DENND4C: variants seen among roughly 807,000 people sequenced by gnomAD.
DENND4C encodes the protein DENN domain containing 4C.
In DENND4C, 108 loss-of-function variants were observed where a neutral mutation model predicts 203.0. The ratio of observed to expected loss-of-function variants is 0.53; its 90% CI spans 0.46 to 0.62. DENND4C has a LOEUF of 0.62. Among genes scored for constraint, DENND4C ranks in the 20% least tolerant of loss-of-function variants. The probability of loss-of-function intolerance (pLI) is 0.00; values close to 1 mark genes in which losing one functional copy is unlikely to be tolerated. For synonymous variants in DENND4C, 871 were observed against 792.4 expected (o/e 1.10, Z -1.67); for missense variants, 2,481 against 2,301.2 (o/e 1.08, Z -1.60).
chr9:19,373,881 CAGGGTTAA>C lies in DENND4C; in HGVS notation c.*1709_*1716del, dbSNP rs1829243218. Reference sequence around the variant, plus strand: ...TTATTGTACCAGTCTTTCAACATTTCAGGGTTAATCTGACCTATGCAGAATTCTAGTGT... The same window carrying C: ...TTATTGTACCAGTCTTTCAACATTTCTCTGACCTATGCAGAATTCTAGTGT... On this transcript the variant is annotated 3_prime_UTR_variant, in exon 33 of 33. Transcript: ENST00000434457. Among the ~76,000 whole-genome samples, 1 of 152,182 alleles carries C rather than the reference CAGGGTTAA, an allele frequency of 6.6e-6. No homozygotes were observed. The highest frequency in any genetic ancestry group is 1.5e-5 in the Non-Finnish European group (1 of 68,024).
At chr9:19,275,445 C>T (rs1246458150) in intron 1 of DENND4C, among the ~76,000 whole-genome samples, 1 of 151,480 alleles carries the variant, frequency 6.6e-6, no homozygotes, top group East Asian at 1.9e-4. Context: ...AGGCGCACAC[C>T]ACCACGCCTG....
At chr9:19,255,158 C>T (rs1034516484) in intron 1 of DENND4C, among the ~76,000 whole-genome samples, 4 of 151,944 alleles carry the variant, frequency 2.6e-5, no homozygotes, top group Non-Finnish European at 5.9e-5. Context: ...GTCTCAGTGG[C>T]TCAGGAGGTG....
At chr9:19,265,761 T>C (rs549548365) in intron 1 of DENND4C, among the ~76,000 whole-genome samples, 1 of 152,346 alleles carries the variant, frequency 6.6e-6, no homozygotes, top group South Asian at 2.1e-4. Flanking sequence ...GCTTCATCCA[T>C]GTCACTACAA....
chr9:19,351,218 T>C (rs1824045511), intron 24 of DENND4C, among the ~76,000 whole-genome samples: 1 of 152,230 alleles, frequency 6.6e-6, no homozygotes, highest in African/African-American at 2.4e-5. Flanking sequence ...CCTTTGTTTT[T>C]AGTTGTATAT....
At chr9:19,273,238 A>G (rs1832141471) in intron 1 of DENND4C, among the ~76,000 whole-genome samples, 1 of 151,914 alleles carries the variant, frequency 6.6e-6, no homozygotes, top group African/African-American at 2.4e-5. Context: ...GGCGTGAGCC[A>G]CTGCGCCTGG....
rs1381090141 is a variant in DENND4C, at chr9:19,336,702, A to G, written c.2751A>G (p.Thr917=). Residue 917 remains threonine, a synonymous_variant, in exon 20 of 33, where the codon ACA becomes ACG. Coordinates refer to ENST00000434457, the MANE Select transcript of DENND4C (RefSeq NM_001330640.2). The part of the protein sequence containing the change: ...VSSISALQNV[T]GGSDGDTVSH... ...TATCTTTAGCTCTTCAAAATGTCACAGGTGGAAGTGATGGGGACACGGTGA... is the reference window on the plus strand; with the variant it reads ...TATCTTTAGCTCTTCAAAATGTCACGGGTGGAAGTGATGGGGACACGGTGA... The G allele has an allele frequency of 3.9e-6, 6 of 1,550,834 alleles. No homozygotes were observed. The East Asian group carries it at 9.8e-5, about 25-fold the overall frequency.
intron 31 of DENND4C, among the ~76,000 whole-genome samples, chr9:19,371,092 TA>T (rs1441714544): frequency 2.6e-5 from 4 of 151,770 alleles, no homozygotes; most frequent in Non-Finnish European, 5.9e-5. Flanking sequence ...AAGAAAGTGA[TA>T]CCAAGTGTCA....
chr9:19,353,433 G>A (rs1473453295), intron 26 of DENND4C, among the ~76,000 whole-genome samples: 1 of 152,146 alleles, frequency 6.6e-6, no homozygotes, highest in Non-Finnish European at 1.5e-5. Context: ...TTCGAGACCA[G>A]CCTGGGCAAC....
chr9:19,342,518 A>C, intron 21 of DENND4C, 115 bp from the exon 22 acceptor site: 1 of 1,132,342 alleles, frequency 8.8e-7, no homozygotes, highest in Non-Finnish European at 1.2e-6. Flanking sequence ...GTCTAAAGTA[A>C]AATAGACACA....
At chr9:19,262,719 A>G (rs1829677200) in intron 1 of DENND4C, among the ~76,000 whole-genome samples, 1 of 151,918 alleles carries the variant, frequency 6.6e-6, no homozygotes, top group African/African-American at 2.4e-5. Context: ...GGTGTGAGCC[A>G]CTGCTCCTGG....
At chr9:19,231,214 T>C (rs1300420636) in intron 1 of DENND4C, among the ~76,000 whole-genome samples, 1 of 151,840 alleles carries the variant, frequency 6.6e-6, no homozygotes, top group Non-Finnish European at 1.5e-5. Context: ...GGGAGCAGGA[T>C]CGGGGCTTCC....
chr9:19,325,458 T>G (rs1386325032), intron 13 of DENND4C, among the ~76,000 whole-genome samples: 1 of 152,180 alleles, frequency 6.6e-6, no homozygotes, highest in Admixed American at 6.5e-5. Context: ...TATTATGACA[T>G]TAATTTTTAT....
intron 1 of DENND4C, among the ~76,000 whole-genome samples, chr9:19,250,739 G>A (rs1826358184): frequency 6.6e-6 from 1 of 152,236 alleles, no homozygotes; most frequent in Admixed American, 6.5e-5. Context: ...CCCCATGCAA[G>A]TCTGAAATCC....
chr9:19,305,638 G>T, intron 10 of DENND4C, 111 bp downstream of exon 10: 1 of 1,115,022 alleles, frequency 9.0e-7, no homozygotes, highest in Non-Finnish European at 1.3e-6. Context: ...TTAAATCTTC[G>T]TCTTAAATAC....
At chr9:19,335,527 C>T (rs910435415) in intron 18 of DENND4C, among the ~76,000 whole-genome samples, 5 of 152,118 alleles carry the variant, frequency 3.3e-5, no homozygotes, top group Admixed American at 2.6e-4. Flanking sequence ...CCTCCCAAAG[C>T]CCCTGGTAAC....
intron 27 of DENND4C, 49 bp from the exon 28 acceptor site, chr9:19,357,916 G>T: frequency 1.4e-6 from 2 of 1,427,774 alleles, no homozygotes; most frequent in East Asian, 2.5e-5. Context: ...TACAGATTTA[G>T]ACTGTTTTTC....
At chr9:19,363,974 G>A (rs561839028) in intron 30 of DENND4C, among the ~76,000 whole-genome samples, 4 of 151,818 alleles carry the variant, frequency 2.6e-5, no homozygotes, top group South Asian at 4.2e-4. Context: ...AGATTGCGCC[G>A]TTGCACTCCA....
chr9:19,313,591 A>C (rs1185888177), intron 10 of DENND4C, among the ~76,000 whole-genome samples: 4 of 152,250 alleles, frequency 2.6e-5, no homozygotes, highest in Non-Finnish European at 5.9e-5. Flanking sequence ...GTTAAACTTG[A>C]CATGCCATCA....
At chr9:19,312,479 A>T (rs1840937612) in intron 10 of DENND4C, among the ~76,000 whole-genome samples, 1 of 152,234 alleles carries the variant, frequency 6.6e-6, no homozygotes, top group Admixed American at 6.5e-5. Context: ...AAGAAAAGGC[A>T]GGGAATAGTT....
Sources: gnomAD v4.1 joint callset for allele counts (sites outside exome capture counted in the v4.1 genomes callset) on GRCh38, gnomAD v4.1.1 for gene constraint, MANE v1.5 for transcripts, NCBI Gene and HGNC (gene_info 2026-07-23, HGNC 2026-07-21) for gene names.